Variants in DGKB observed in about 807,000 individuals in gnomAD.
DGKB encodes 90 kDa diacylglycerol kinase.
In DGKB, 67 loss-of-function variants were observed where a neutral mutation model predicts 114.3. The observed-to-expected ratio is 0.59, with a 90% CI of 0.48 to 0.72. The LOEUF (loss-of-function observed/expected upper bound fraction) is 0.72, where lower values mean the gene tolerates loss of function less well. Ranked by LOEUF, DGKB falls within the 30% of genes least tolerant of loss-of-function variation. DGKB has a pLI of 0.00. For missense variants in DGKB, 907 were observed against 975.2 expected, an observed-to-expected ratio of 0.93 and a Z score of 0.93; for synonymous variants, 398 against 323.1, an observed-to-expected ratio of 1.23 and a Z score of -2.49.
At chr7:14,937,199 G>C (rs1785320331) in intron 1 of DGKB, among the ~76,000 whole-genome samples, 1 of 151,544 alleles carries the variant, frequency 6.6e-6, no homozygotes, top group African/African-American at 2.4e-5. Context: ...ATTACTAATA[G>C]AATTTAAATA....
At chr7:14,779,564 T>C (rs1420450462) in intron 2 of DGKB, among the ~76,000 whole-genome samples, 1 of 152,170 alleles carries the variant, frequency 6.6e-6, no homozygotes, top group Non-Finnish European at 1.5e-5. Context: ...ATTCAGCTAG[T>C]TTAAGCAAAA....
chr7:14,168,204 G>C (rs1229660409), intron 25 of DGKB, among the ~76,000 whole-genome samples: 2 of 152,068 alleles, frequency 1.3e-5, no homozygotes, highest in African/African-American at 2.4e-5. Flanking sequence ...CAACAGAATG[G>C]AGATAAAAGA....
At chr7:14,652,379 G>A (rs1269306638) in intron 13 of DGKB, among the ~76,000 whole-genome samples, 1 of 152,004 alleles carries the variant, frequency 6.6e-6, no homozygotes, top group Admixed American at 6.6e-5. Context: ...TGACAAACTT[G>A]AGAAAAACAA....
At chr7:14,418,984 T>C (rs1826235359) in intron 21 of DGKB, among the ~76,000 whole-genome samples, 1 of 152,030 alleles carries the variant, frequency 6.6e-6, no homozygotes, top group South Asian at 2.1e-4. Flanking sequence ...CCATAGGTTC[T>C]GCATAGCACA....
intron 2 of DGKB, among the ~76,000 whole-genome samples, chr7:14,775,678 AG>A (rs1047634708): frequency 6.6e-6 from 1 of 151,914 alleles, no homozygotes; most frequent in African/African-American, 2.4e-5. Flanking sequence ...CACCATGTGA[AG>A]AAGGATGTGT....
chr7:14,460,541 C>T (rs1039877122), intron 21 of DGKB, among the ~76,000 whole-genome samples: 2 of 151,872 alleles, frequency 1.3e-5, no homozygotes, highest in Admixed American at 6.6e-5. Context: ...AATCAATCCA[C>T]CAAGAAGAGC....
intron 23 of DGKB, among the ~76,000 whole-genome samples, chr7:14,264,321 T>A (rs996736839): frequency 7.9e-5 from 12 of 152,178 alleles, no homozygotes; most frequent in African/African-American, 2.9e-4. Context: ...ACCACACGCT[T>A]TCAGGTTGGC....
intron 20 of DGKB, among the ~76,000 whole-genome samples, chr7:14,553,632 T>G (rs559520392): frequency 1.3e-5 from 2 of 152,240 alleles, no homozygotes; most frequent in South Asian, 4.1e-4. Context: ...AAGTGAATAT[T>G]TGAATGGGAA....
intron 21 of DGKB, among the ~76,000 whole-genome samples, chr7:14,432,795 C>T (rs1828664432): frequency 6.6e-6 from 1 of 152,108 alleles, no homozygotes; most frequent in African/African-American, 2.4e-5. Flanking sequence ...TCCCTCATTT[C>T]ATGCTTCTCT....
chr7:14,701,785 G>C (rs570722440), intron 6 of DGKB, 55 bp from the exon 7 acceptor site: 3 of 1,191,188 alleles, frequency 2.5e-6, no homozygotes, highest in African/African-American at 1.5e-5. Flanking sequence ...ATCAATGTTA[G>C]TTTAAAGTAT....
intron 2 of DGKB, among the ~76,000 whole-genome samples, chr7:14,817,324 G>T (rs1490433498): frequency 2.6e-5 from 4 of 152,148 alleles, no homozygotes; most frequent in Admixed American, 2.6e-4. Context: ...TACATGTATA[G>T]TTACACCAGA....
At chr7:14,375,801 G>T (rs1002647137) in intron 21 of DGKB, among the ~76,000 whole-genome samples, 2 of 152,178 alleles carry the variant, frequency 1.3e-5, no homozygotes, top group Non-Finnish European at 1.5e-5. Context: ...TTCTTCGAGG[G>T]CAGTGATTTT....
intron 21 of DGKB, among the ~76,000 whole-genome samples, chr7:14,383,170 T>C (rs1231609685): frequency 6.6e-6 from 1 of 152,140 alleles, no homozygotes; most frequent in African/African-American, 2.4e-5. Context: ...TAATGGATTG[T>C]TTTAATCTCA....
At chr7:14,182,820 C>T (rs1203898387) in intron 23 of DGKB, among the ~76,000 whole-genome samples, 1 of 152,084 alleles carries the variant, frequency 6.6e-6, no homozygotes, top group African/African-American at 2.4e-5. Context: ...TTCAGACTGC[C>T]ATATGTGAAG....
At chr7:14,641,646 A>C (rs1811825542) in intron 13 of DGKB, among the ~76,000 whole-genome samples, 1 of 152,062 alleles carries the variant, frequency 6.6e-6, no homozygotes, top group Non-Finnish European at 1.5e-5. Context: ...ACCAGATTTC[A>C]TTTGTGACTT....
intron 6 of DGKB, among the ~76,000 whole-genome samples, chr7:14,716,551 AAACT>A (rs1828218245): frequency 6.6e-6 from 1 of 152,210 alleles, no homozygotes; most frequent in South Asian, 2.1e-4. Flanking sequence ...AGTATTTATT[AAACT>A]AACAATCAAC....
intron 5 of DGKB, among the ~76,000 whole-genome samples, chr7:14,735,265 G>T (rs761438160): frequency 6.6e-6 from 1 of 152,074 alleles, no homozygotes; most frequent in East Asian, 1.9e-4. Context: ...AAGTCCAAGG[G>T]CTAGGTTTGC....
At chr7:14,313,590 C>G (rs6461088) in intron 23 of DGKB, among the ~76,000 whole-genome samples, 1 of 152,218 alleles carries the variant, frequency 6.6e-6, no homozygotes, top group African/African-American at 2.4e-5. Context: ...TAAAAAACAG[C>G]GCACCACGAG....
At chr7:14,481,421 G>C (rs1321784811) in intron 20 of DGKB, among the ~76,000 whole-genome samples, 1 of 151,816 alleles carries the variant, frequency 6.6e-6, no homozygotes, top group African/African-American at 2.4e-5. Flanking sequence ...GGAGAATATT[G>C]TCTTTATAAA....
Sources: gnomAD v4.1 joint callset for allele counts (sites outside exome capture counted in the v4.1 genomes callset) on GRCh38, gnomAD v4.1.1 for gene constraint, MANE v1.5 for transcripts, NCBI Gene and HGNC (gene_info 2026-07-23, HGNC 2026-07-21) for gene names.